Variants in CLSTN3 observed in about 807,000 individuals in gnomAD.
The protein encoded by CLSTN3 is calsyntenin-3.
In CLSTN3, 36 loss-of-function variants were observed where a neutral mutation model predicts 95.9. That is an observed-to-expected ratio of 0.38 (90% CI 0.29 to 0.50). The LOEUF (loss-of-function observed/expected upper bound fraction) is 0.50, where lower values mean the gene tolerates loss of function less well. CLSTN3 is among the 20% of genes least tolerant of loss of function. The probability of loss-of-function intolerance (pLI) is 0.95; values close to 1 mark genes in which losing one functional copy is unlikely to be tolerated. For synonymous variants in CLSTN3, 481 were observed against 504.0 expected (o/e 0.95, Z 0.61); for missense variants, 1,084 against 1,268.8 (o/e 0.85, Z 2.21).
intron 8 of CLSTN3, among the ~76,000 whole-genome samples, chr12:7,139,191 G>A (rs1391556009): frequency 1.3e-5 from 2 of 152,210 alleles, no homozygotes; most frequent in East Asian, 3.8e-4. Context: ...AAATAGACAT[G>A]TAAAATGATA....
In CLSTN3 at chr12:7,148,287, G is replaced by A. The variant is rs60222472; in HGVS notation, c.1848-685G>A. On this transcript the variant is annotated intron_variant, in intron 12 of 17. Coordinates refer to ENST00000266546, the MANE Select transcript of CLSTN3 (RefSeq NM_014718.4). ...TGTTGTTATTACTGGTAAAGGTGGGGCTAAATGTGATCCTGGGAGCATCAC... is the reference window on the plus strand; with the variant it reads ...TGTTGTTATTACTGGTAAAGGTGGGACTAAATGTGATCCTGGGAGCATCAC... 6.8e-3 allele frequency among the ~76,000 whole-genome samples: 1,036 copies of A among 152,324 alleles called. 8 individuals are homozygous for A. The highest frequency in any genetic ancestry group is 0.014 in the Middle Eastern group (4 of 292).
Position 7,151,718 on chromosome 12 carries a change from C to T in CLSTN3, c.2527+655C>T, listed in dbSNP as rs374039197. 9.9e-5 allele frequency among the ~76,000 whole-genome samples: 15 copies of T among 152,124 alleles called. No individual in the cohort carries two copies. In the South Asian group the frequency reaches 2.7e-3, roughly 27 times the overall value. ...AATTTTATTTTCAACTTTTGAGTTGCGTAATTGTAGAAAAACCAGAAAATA... is the reference window on the plus strand; with the variant it reads ...AATTTTATTTTCAACTTTTGAGTTGTGTAATTGTAGAAAAACCAGAAAATA... On this transcript the variant is annotated intron_variant, in intron 16 of 17. Coordinates refer to ENST00000266546, the MANE Select transcript of CLSTN3 (RefSeq NM_014718.4).
rs769189840 is a variant in CLSTN3, at chr12:7,150,763, G to A, written c.2391+74G>A. ...AGCTGAGGTGGCATGGACTCAAAATGTTAGTTGGTGGGCATGGACATGGCA... is the reference window on the plus strand; with the variant it reads ...AGCTGAGGTGGCATGGACTCAAAATATTAGTTGGTGGGCATGGACATGGCA... On this transcript the variant is annotated intron_variant, in intron 15 of 17. Transcript: ENST00000266546. The surrounding 1 kb of genome is among the most constrained non-coding windows in gnomAD (Gnocchi z 4.0). 366 of 1,584,336 alleles carry A rather than the reference G, an allele frequency of 2.3e-4. 3 individuals carry two copies. In the South Asian group the frequency reaches 3.9e-3, roughly 17 times the overall value.
chr12:7,150,920 C>G lies in CLSTN3; in HGVS notation c.2392-8C>G. On this transcript the variant is annotated splice_polypyrimidine_tract_variant and splice_region_variant and intron_variant, in intron 15 of 17. Coordinates refer to ENST00000266546, the MANE Select transcript of CLSTN3 (RefSeq NM_014718.4). The surrounding 1 kb of genome is among the most constrained non-coding windows in gnomAD (Gnocchi z 4.0). ...CGTGTGTGCCCATGGAGCCCTCCCT[C>G]TGCCCAGGTCAATGTCCTGCACAGC... The G allele has an allele frequency of 1.9e-6, 3 of 1,579,058 alleles. No homozygotes were observed. The highest frequency in any genetic ancestry group is 2.6e-6 in the Non-Finnish European group (3 of 1,159,454).
At chr12:7,142,647 T>C (rs946712473) in intron 10 of CLSTN3, among the ~76,000 whole-genome samples, 7 of 151,588 alleles carry the variant, frequency 4.6e-5, no homozygotes, top group Admixed American at 3.9e-4. Context: ...TCTTCTTTTG[T>C]CTCATTTTCT....
intron 1 of CLSTN3, 64 bp downstream of exon 1, chr12:7,130,776 G>A: frequency 1.4e-6 from 2 of 1,427,014 alleles, no homozygotes. Context: ...CGGGGTGGGG[G>A]TGGGAAGGAG....
At chr12:7,143,701 A>G (rs1282122298) in intron 12 of CLSTN3, among the ~76,000 whole-genome samples, 2 of 152,162 alleles carry the variant, frequency 1.3e-5, no homozygotes, top group Non-Finnish European at 2.9e-5. Context: ...TGGCTGCTTC[A>G]CTTGTTTTAA....
Position 7,142,149 on chromosome 12 carries a change from G to T in CLSTN3, c.1540+10G>T, listed in dbSNP as rs1351766808. The T allele has an allele frequency of 6.2e-7, 1 of 1,603,370 alleles. No individual in the cohort carries two copies. Among genetic ancestry groups the T allele is most frequent in the Admixed American group, 1.7e-5 (1 of 59,694 alleles). Reference sequence around the variant, plus strand: ...ACAGACACCACCCAAGGTACTCCGTGTGTAAGAACTGGAGACCAGAGAGTT... The same window carrying T: ...ACAGACACCACCCAAGGTACTCCGTTTGTAAGAACTGGAGACCAGAGAGTT... On this transcript the variant is annotated intron_variant, in intron 10 of 17. Coordinates refer to ENST00000266546, the MANE Select transcript of CLSTN3 (RefSeq NM_014718.4).
intron 12 of CLSTN3, among the ~76,000 whole-genome samples, chr12:7,143,561 C>T (rs761184148): frequency 6.6e-5 from 10 of 152,220 alleles, no homozygotes; most frequent in Non-Finnish European, 1.2e-4. Flanking sequence ...CTAGGGTTTC[C>T]GGGCTTTGAT....
In CLSTN3 at chr12:7,130,414, CGCTGG is replaced by C. The variant is rs781701260; in HGVS notation, c.-228_-224del. 6.0e-5 allele frequency: 86 copies of C among 1,434,848 alleles called. No homozygotes were observed. The East Asian group carries it at 1.8e-3, about 30-fold the overall frequency. The allele number at this position is 1,434,848 out of a possible 1,614,324, so 88.9% of individuals were successfully genotyped here. On this transcript the variant is annotated 5_prime_UTR_variant, in exon 1 of 18. Coordinates refer to ENST00000266546, the MANE Select transcript of CLSTN3 (RefSeq NM_014718.4). The stretch of plus-strand genomic sequence containing the variant: ...TGGGGTGGGAGTGAGAGAGTGAGGA[CGCTGG>C]GCTGGGGGAAACGGGAAGCCGCTGC...
In CLSTN3 at chr12:7,157,584, C is replaced by T. The variant is rs201799321; in HGVS notation, c.2623C>T (p.Arg875Cys). 3.3e-5 allele frequency: 53 copies of T among 1,613,332 alleles called. No individual in the cohort carries two copies. The highest frequency in any genetic ancestry group is 1.2e-4 in the Admixed American group (7 of 59,904). ...CCTGGTGCGCATCCATTCCCTTCAC[C>T]GCCGCGTCTCAGGGGCCGGCGGGCC... The part of the protein sequence containing the change: ...LGLVRIHSLH[R>C]RVSGAGGPPG... Residue 875 changes from arginine (R) to cysteine (C), a missense_variant, in exon 17 of 18, where the codon CGC becomes TGC. Arg to Cys is a radical substitution (Grantham distance 180). Coordinates refer to ENST00000266546, the MANE Select transcript of CLSTN3 (RefSeq NM_014718.4). This position sits in a 1 kb window ranked among gnomAD's most constrained non-coding sequence, Gnocchi z 5.9.
At chr12:7,151,242 A>G (rs1939719517) in intron 16 of CLSTN3, 179 bp downstream of exon 16, 5 of 599,122 alleles carry the variant, frequency 8.3e-6, no homozygotes, top group Non-Finnish European at 1.1e-5. Context: ...CCTTTGGATC[A>G]TTCACTTTCC....
Position 7,137,127 on chromosome 12 carries a change from G to C in CLSTN3, c.1210+17G>C. 1 of 1,589,700 alleles carries C rather than the reference G, an allele frequency of 6.3e-7. No homozygotes were observed. Among genetic ancestry groups the C allele is most frequent in the South Asian group, 1.1e-5 (1 of 89,856 alleles). On this transcript the variant is annotated intron_variant, in intron 7 of 17. Coordinates refer to ENST00000266546, the MANE Select transcript of CLSTN3 (RefSeq NM_014718.4). The surrounding 1 kb of genome is among the most constrained non-coding windows in gnomAD (Gnocchi z 4.4). ...TCCAGAATGGTGAGCCTCCCCTCCA[G>C]GCACTAGCCAGAGGGGGAAACTGGC...
chr12:7,149,691 C>G lies in CLSTN3; in HGVS notation c.2243C>G (p.Ala748Gly), dbSNP rs777503603. ...LTNTSAYLTI[A>G]GVESITVYEE... The stretch of plus-strand genomic sequence containing the variant: ...AACACATCTGCCTACCTCACTATTG[C>G]TGGTCAGTGGGGCCTGAGGGCCTGT... Residue 748 changes from alanine (A) to glycine (G), a missense_variant and splice_region_variant, in exon 14 of 18, where the codon GCT becomes GGT. By Grantham distance (60) the Ala-to-Gly change is moderately conservative. Coordinates refer to ENST00000266546, the MANE Select transcript of CLSTN3 (RefSeq NM_014718.4). The surrounding 1 kb of genome is among the most constrained non-coding windows in gnomAD (Gnocchi z 4.5). 53 of 1,612,592 alleles carry G rather than the reference C, an allele frequency of 3.3e-5. No homozygotes were observed. Among genetic ancestry groups the G allele is most frequent in the Non-Finnish European group, 4.2e-5 (50 of 1,179,086 alleles).
rs939485974 is a variant in CLSTN3, at chr12:7,157,381, C to T, written c.2528-108C>T. On this transcript the variant is annotated intron_variant, in intron 16 of 17. Coordinates refer to ENST00000266546, the MANE Select transcript of CLSTN3 (RefSeq NM_014718.4). This position sits in a 1 kb window ranked among gnomAD's most constrained non-coding sequence, Gnocchi z 5.9. ...TCTTCTCGGCCACCGTGTGTTCTGC[C>T]CTGGGAGTCCTTCAGCCCGGGCTGC... 1.1e-6 allele frequency: 1 copy of T among 948,558 alleles called. No individual in the cohort carries two copies. Among genetic ancestry groups the T allele is most frequent in the African/African-American group, 1.7e-5 (1 of 60,386 alleles). The allele number at this position is 948,558 out of a possible 1,614,324, so 58.8% of individuals were successfully genotyped here. A position where few individuals can be genotyped will look rare whatever the true frequency, so the allele number is the denominator to read the frequency against.
chr12:7,144,142 G>T (rs949541614), intron 12 of CLSTN3, among the ~76,000 whole-genome samples: 1 of 150,214 alleles, frequency 6.7e-6, no homozygotes, highest in Non-Finnish European at 1.5e-5. Context: ...CAGGAGAATT[G>T]CTTGAACTGG....
rs1275589409 is a variant in CLSTN3 at position 7,135,395 on chromosome 12, G to A, written c.452G>A (p.Arg151His). The change falls in exon 4 of 18, where the codon CGT (arginine) becomes CAT (histidine). Residue 151 changes from arginine to histidine, a missense_variant. By Grantham distance (29) the Arg-to-His change is conservative (BLOSUM62 0). Coordinates refer to ENST00000266546, the MANE Select transcript of CLSTN3 (RefSeq NM_014718.4). ...FAPVFVERLYRAAVTEGKLYD... is the reference protein window; with the variant it reads ...FAPVFVERLYHAAVTEGKLYD... ...CCAGTGTTTGTGGAACGGCTGTATCGTGCGGCTGTGACAGAGGGGAAGCTG... is the reference window on the plus strand; with the variant it reads ...CCAGTGTTTGTGGAACGGCTGTATCATGCGGCTGTGACAGAGGGGAAGCTG... 1.3e-5 allele frequency: 21 copies of A among 1,614,148 alleles called. No homozygotes were observed. The highest frequency in any genetic ancestry group is 2.2e-5 in the East Asian group (1 of 44,892).
chr12:7,133,731 G>C lies in CLSTN3; in HGVS notation c.346G>C (p.Glu116Gln). ...TFTIQAYDCGEGPDGANTKKS... is the reference protein window; with the variant it reads ...TFTIQAYDCGQGPDGANTKKS... ...CACCATCCAGGCCTATGACTGTGGC[G>C]AGGGCCCCGACGGGGCCAACACCAA... is the stretch of plus-strand genomic sequence containing the variant. Residue 116 changes from glutamate to glutamine, a missense_variant, in exon 3 of 18, where the codon GAG becomes CAG. Physicochemically the swap from Glu to Gln is conservative, Grantham distance 29. Coordinates refer to ENST00000266546, the MANE Select transcript of CLSTN3 (RefSeq NM_014718.4). The surrounding 1 kb of genome is among the most constrained non-coding windows in gnomAD (Gnocchi z 4.7). The C allele has an allele frequency of 1.9e-6, 3 of 1,601,826 alleles. No homozygotes were observed. The highest frequency in any genetic ancestry group is 1.7e-6 in the Non-Finnish European group (2 of 1,175,542).
At chr12:7,148,154 C>CAA (rs1939653239) in intron 12 of CLSTN3, among the ~76,000 whole-genome samples, 1 of 99,120 alleles carries the variant, frequency 1.0e-5, no homozygotes, top group Admixed American at 1.2e-4. Flanking sequence ...GAAACTCCAT[C>CAA]AAAAAGAAAG....
Sources: allele counts gnomAD v4.1 joint callset (sites outside exome capture counted in the v4.1 genomes callset), GRCh38; gene constraint gnomAD v4.1.1; non-coding constraint Gnocchi (gnomAD v3.1); transcripts MANE v1.5; gene names NCBI Gene and HGNC (gene_info 2026-07-23, HGNC 2026-07-21).